BRAF: variants seen among roughly 807,000 people sequenced by gnomAD.
BRAF encodes the protein serine/threonine-protein kinase B-raf.
Under a neutral mutation model 104.6 loss-of-function variants are expected in BRAF, and 16 were observed. That is an observed-to-expected ratio of 0.15 (90% CI 0.10 to 0.23). BRAF has a LOEUF of 0.23. BRAF is among the 10% of genes least tolerant of loss of function. BRAF has a pLI of 1.00. For synonymous variants in BRAF, 310 were observed against 341.6 expected (o/e 0.91, Z 1.02); for missense variants, 541 against 937.3 (o/e 0.58, Z 5.52).
intron 8 of BRAF, among the ~76,000 whole-genome samples, chr7:140,791,562 A>G (rs1391921860): frequency 1.3e-5 from 2 of 152,164 alleles, no homozygotes; most frequent in African/African-American, 4.8e-5. Context: ...AGCAATTTAC[A>G]TCCATGGCTT....
chr7:140,720,606 T>C lies in BRAF; in HGVS notation c.*5888A>G. 1 of 1,064,050 alleles carries C rather than the reference T, an allele frequency of 9.4e-7. No homozygotes were observed. Among genetic ancestry groups the C allele is most frequent in the Non-Finnish European group, 1.1e-6 (1 of 879,580 alleles). 65.9% of individuals were successfully genotyped at this position (1,064,050 alleles called of 1,614,324 possible). Reference sequence around the variant, plus strand: ...TTGCACTCTTACATTTGATTTCAGGTAATTACAGTTTATTTCCCACCCTCA... The same window carrying C: ...TTGCACTCTTACATTTGATTTCAGGCAATTACAGTTTATTTCCCACCCTCA... On this transcript the variant is annotated 3_prime_UTR_variant, in exon 20 of 20. Coordinates refer to ENST00000644969, the MANE Select transcript of BRAF (RefSeq NM_001374258.1).
chr7:140,743,272 A>T (rs1797077857), intron 17 of BRAF, among the ~76,000 whole-genome samples: 1 of 151,428 alleles, frequency 6.6e-6, no homozygotes, highest in Admixed American at 6.6e-5. Context: ...ACACATGCAC[A>T]CGTATGTTTA....
intron 14 of BRAF, among the ~76,000 whole-genome samples, chr7:140,767,064 C>T (rs762463480): frequency 9.9e-5 from 15 of 151,986 alleles, no homozygotes; most frequent in Non-Finnish European, 1.6e-4. Context: ...AATGCAGTGG[C>T]GCGATCTTGA....
chr7:140,769,067 T>A (rs1414336210), intron 14 of BRAF, among the ~76,000 whole-genome samples: 1 of 150,790 alleles, frequency 6.6e-6, no homozygotes, highest in Non-Finnish European at 1.5e-5. Context: ...GAAAATGGAC[T>A]AAAACACCTC....
chr7:140,915,256 T>C (rs931792636), intron 1 of BRAF, among the ~76,000 whole-genome samples: 1 of 152,054 alleles, frequency 6.6e-6, no homozygotes, highest in African/African-American at 2.4e-5. Context: ...TTAAACTGTT[T>C]AAAATATGCC....
intron 8 of BRAF, among the ~76,000 whole-genome samples, chr7:140,793,274 C>T (rs1444144338): frequency 2.0e-5 from 3 of 152,148 alleles, no homozygotes; most frequent in South Asian, 2.1e-4. Context: ...GAGAACAACC[C>T]TAACCTGGAC....
chr7:140,759,157 T>A (rs1429558610), intron 14 of BRAF, among the ~76,000 whole-genome samples: 1 of 152,240 alleles, frequency 6.6e-6, no homozygotes, highest in Non-Finnish European at 1.5e-5. Context: ...GTGGCAAATA[T>A]GAAGAAGATG....
chr7:140,890,248 T>C (rs1320805963), intron 1 of BRAF, among the ~76,000 whole-genome samples: 1 of 152,218 alleles, frequency 6.6e-6, no homozygotes, highest in Non-Finnish European at 1.5e-5. Context: ...AAATATCCAG[T>C]TCATTATTTT....
chr7:140,884,573 G>A (rs953751915), intron 1 of BRAF, among the ~76,000 whole-genome samples: 1 of 151,496 alleles, frequency 6.6e-6, no homozygotes, highest in Non-Finnish European at 1.5e-5. Context: ...CTCAAACTCT[G>A]GGCTCAAGTG....
At chr7:140,923,366 T>G (rs909966810) in intron 1 of BRAF, among the ~76,000 whole-genome samples, 1 of 152,180 alleles carries the variant, frequency 6.6e-6, no homozygotes, top group Admixed American at 6.5e-5. Context: ...CATAATAAAG[T>G]ATTATTTTCT....
At chr7:140,741,142 T>G (rs1297733001) in intron 17 of BRAF, 1 of 152,188 alleles carries the variant, frequency 6.6e-6, no homozygotes, top group Non-Finnish European at 1.5e-5. Context: ...CAGGTATTCT[T>G]ACTTGGCTAT....
chr7:140,794,550 TTTC>T (rs1802325625), intron 7 of BRAF, 83 bp from the exon 8 acceptor site: 7 of 1,467,130 alleles, frequency 4.8e-6, no homozygotes, highest in East Asian at 2.3e-5. Context: ...ATAAAAGGAT[TTTC>T]TTGTTTTTAT....
intron 1 of BRAF, among the ~76,000 whole-genome samples, chr7:140,887,436 A>C (rs1444285643): frequency 6.6e-6 from 1 of 152,122 alleles, no homozygotes; most frequent in Non-Finnish European, 1.5e-5. Context: ...ACCTAATCTG[A>C]CCGCAAATAT....
At chr7:140,808,351 CAAAAAAAAAAAAAAA>C (rs35843886) in intron 4 of BRAF, 8 of 197,422 alleles carry the variant, frequency 4.1e-5, no homozygotes, top group South Asian at 2.3e-4. Flanking sequence ...TCCTGGGGTC[CAAAAAAAAAAAAAAA>C]AAAAAAAAAA....
intron 16 of BRAF, among the ~76,000 whole-genome samples, chr7:140,750,264 C>T (rs1036048443): frequency 6.6e-6 from 1 of 152,168 alleles, no homozygotes; most frequent in Admixed American, 6.5e-5. Context: ...GTCAATTTGA[C>T]AGCAAAAGTG....
intron 1 of BRAF, among the ~76,000 whole-genome samples, chr7:140,896,861 C>T (rs1814969947): frequency 1.5e-5 from 1 of 67,804 alleles, no homozygotes; most frequent in Admixed American, 1.9e-4. Context: ...GAGACTCCAT[C>T]TCAAAAAAAA....
At chr7:140,898,649 T>C (rs543868875) in intron 1 of BRAF, among the ~76,000 whole-genome samples, 1 of 152,234 alleles carries the variant, frequency 6.6e-6, no homozygotes, top group African/African-American at 2.4e-5. Context: ...AGGTAAGAAA[T>C]AGCATTGCCA....
chr7:140,729,905 A>G (rs943854661), intron 19 of BRAF, among the ~76,000 whole-genome samples: 10 of 152,222 alleles, frequency 6.6e-5, no homozygotes, highest in African/African-American at 2.4e-4. Context: ...ATTTTTACCA[A>G]CAAACTCCAA....
In BRAF at chr7:140,885,688, C is replaced by G. The variant is rs147744317; in HGVS notation, c.139-35476G>C. On this transcript the variant is annotated intron_variant, in intron 1 of 19. Coordinates refer to ENST00000644969, the MANE Select transcript of BRAF (RefSeq NM_001374258.1). ...TAATGTCTACACATAGTACCTGGCA[C>G]ATAATCAATTACATAGACATCTGTT... 6.2e-3 allele frequency among the ~76,000 whole-genome samples: 939 copies of G among 152,264 alleles called. 8 individuals are homozygous for G. The highest frequency in any genetic ancestry group is 0.02 in the African/African-American group (848 of 41,554).
Sources: allele counts gnomAD v4.1 joint callset (sites outside exome capture counted in the v4.1 genomes callset), GRCh38; gene constraint gnomAD v4.1.1; transcripts MANE v1.5; gene names NCBI Gene and HGNC (gene_info 2026-07-23, HGNC 2026-07-21).